The following DENND1B variants were observed in gnomAD, a reference collection of about 807,000 sequenced individuals.
DENND1B encodes DENN domain containing 1B, also known as DENN domain-containing protein 1B.
In DENND1B, 59 loss-of-function variants were observed where a neutral mutation model predicts 90.1. That is an observed-to-expected ratio of 0.65 (90% CI 0.53 to 0.81). The LOEUF is 0.81. Among genes scored for constraint, DENND1B ranks in the 40% least tolerant of loss-of-function variants. The probability of loss-of-function intolerance (pLI) is 0.00; values close to 1 mark genes in which losing one functional copy is unlikely to be tolerated. For synonymous variants in DENND1B, 337 were observed against 324.6 expected (o/e 1.04, Z -0.41); for missense variants, 862 against 912.6 (o/e 0.94, Z 0.71).
intron 5 of DENND1B, among the ~76,000 whole-genome samples, chr1:197,659,329 T>A (rs891610962): frequency 1.8e-4 from 28 of 151,864 alleles, no homozygotes. Flanking sequence ...TCTGATTTGT[T>A]AGTGACTATG....
chr1:197,599,209 G>GA (rs1428482938), intron 13 of DENND1B, among the ~76,000 whole-genome samples: 1 of 151,806 alleles, frequency 6.6e-6, no homozygotes, highest in African/African-American at 2.4e-5. Context: ...TTATACCAAA[G>GA]GACAGTAAGC....
intron 15 of DENND1B, among the ~76,000 whole-genome samples, chr1:197,561,244 T>C (rs988538465): frequency 6.6e-6 from 1 of 151,944 alleles, no homozygotes; most frequent in Non-Finnish European, 1.5e-5. Flanking sequence ...TCTCACCACG[T>C]CAGCAAAATT....
intron 11 of DENND1B, among the ~76,000 whole-genome samples, chr1:197,615,860 C>G (rs1677601568): frequency 6.6e-6 from 1 of 150,906 alleles, no homozygotes; most frequent in Non-Finnish European, 1.5e-5. Context: ...GCTCTTAGAA[C>G]TCAACCCAAA....
chr1:197,758,133 TCAC>T (rs1654545394), intron 2 of DENND1B, among the ~76,000 whole-genome samples: 1 of 152,206 alleles, frequency 6.6e-6, no homozygotes, highest in Non-Finnish European at 1.5e-5. Context: ...TCTCTGGACC[TCAC>T]CAAATATTTA....
intron 2 of DENND1B, among the ~76,000 whole-genome samples, chr1:197,725,404 C>A (rs530636644): frequency 5.1e-4 from 77 of 151,994 alleles, no homozygotes; most frequent in African/African-American, 1.6e-3. Context: ...CAAGAATAGA[C>A]CCTTTCTAAA....
intron 3 of DENND1B, among the ~76,000 whole-genome samples, chr1:197,705,651 A>ATT (rs1659455259): frequency 6.8e-6 from 1 of 146,398 alleles, no homozygotes; most frequent in Non-Finnish European, 1.5e-5. Flanking sequence ...AGAAATTTAA[A>ATT]AAAAAAAAAA....
chr1:197,548,177 G>GAATTT (rs1420098958), intron 16 of DENND1B, among the ~76,000 whole-genome samples: 1 of 152,096 alleles, frequency 6.6e-6, no homozygotes, highest in African/African-American at 2.4e-5. Context: ...GAACTATGAG[G>GAATTT]AATTTAAAAA....
intron 3 of DENND1B, among the ~76,000 whole-genome samples, chr1:197,677,114 G>A (rs1036961584): frequency 1.3e-5 from 2 of 152,076 alleles, no homozygotes; most frequent in African/African-American, 2.4e-5. Flanking sequence ...AATGAGATGT[G>A]TCATTGTCGA....
chr1:197,772,026 G>A (rs1436796320), intron 2 of DENND1B, among the ~76,000 whole-genome samples: 1 of 152,086 alleles, frequency 6.6e-6, no homozygotes, highest in Non-Finnish European at 1.5e-5. Context: ...ACTGACAGCT[G>A]AAACCCTTCC....
chr1:197,589,132 A>C (rs1192143980), intron 14 of DENND1B, among the ~76,000 whole-genome samples: 1 of 152,152 alleles, frequency 6.6e-6, no homozygotes, highest in African/African-American at 2.4e-5. Context: ...CTTTGTTCAT[A>C]CTATTAAAAA....
intron 18 of DENND1B, among the ~76,000 whole-genome samples, chr1:197,544,934 A>G: frequency 0.012 from 4 of 334 alleles, no homozygotes; most frequent in African/African-American, 0.045. Flanking sequence ...AAAGAGAAGA[A>G]GAAGAAGGGA....
At chr1:197,512,152 T>C (rs4915547) in intron 21 of DENND1B, among the ~76,000 whole-genome samples, 144,648 of 151,750 alleles carry the variant, frequency 0.95, 69,311 homozygotes, top group South Asian at 1. Context: ...AAGTTTACGG[T>C]ACCTTATGAA....
rs956813759 is a variant in DENND1B at position 197,641,011 on chromosome 1, C to T, written c.672+1700G>A. 6.6e-5 allele frequency among the ~76,000 whole-genome samples: 10 copies of T among 152,352 alleles called. No homozygotes were observed. In the South Asian group the frequency reaches 1.9e-3, roughly 28 times the overall value. Reference sequence around the variant, plus strand: ...TTACATAAAATGGAAACCTGTCCATCACTGTCTACCCTGTAAACCCACTCA... The same window carrying T: ...TTACATAAAATGGAAACCTGTCCATTACTGTCTACCCTGTAAACCCACTCA... On this transcript the variant is annotated intron_variant, in intron 10 of 22. Transcript: ENST00000620048.
chr1:197,733,576 T>A (rs1662350168), intron 2 of DENND1B, among the ~76,000 whole-genome samples: 1 of 152,220 alleles, frequency 6.6e-6, no homozygotes, highest in African/African-American at 2.4e-5. Flanking sequence ...TTGTCTTCGT[T>A]GTTTGGGCAT....
At chr1:197,662,054 T>C (rs773381754) in intron 5 of DENND1B, among the ~76,000 whole-genome samples, 3 of 152,086 alleles carry the variant, frequency 2.0e-5, no homozygotes, top group Non-Finnish European at 2.9e-5. Flanking sequence ...ATAAGCTTTA[T>C]TGAATTTCAT....
intron 2 of DENND1B, among the ~76,000 whole-genome samples, chr1:197,731,928 G>A (rs1249031394): frequency 1.3e-5 from 2 of 152,064 alleles, no homozygotes; most frequent in Non-Finnish European, 2.9e-5. Flanking sequence ...AGGATGAGTG[G>A]AGATTACATA....
intron 3 of DENND1B, among the ~76,000 whole-genome samples, chr1:197,676,941 T>C (rs1656143152): frequency 6.6e-6 from 1 of 152,064 alleles, no homozygotes; most frequent in Non-Finnish European, 1.5e-5. Flanking sequence ...TCCCATCAGG[T>C]TACCATTTAG....
chr1:197,740,960 T>C (rs536802746), intron 2 of DENND1B, among the ~76,000 whole-genome samples: 3 of 152,284 alleles, frequency 2.0e-5, no homozygotes, highest in East Asian at 1.9e-4. Flanking sequence ...CTAACACCTA[T>C]GTTGATAAGT....
At chr1:197,722,578 T>C (rs1661284626) in intron 2 of DENND1B, among the ~76,000 whole-genome samples, 1 of 152,278 alleles carries the variant, frequency 6.6e-6, no homozygotes, top group Non-Finnish European at 1.5e-5. Flanking sequence ...AGACTTCCTT[T>C]GAACAATACT....
Sources: gnomAD v4.1 joint callset for allele counts (sites outside exome capture counted in the v4.1 genomes callset) on GRCh38, gnomAD v4.1.1 for gene constraint, MANE v1.5 for transcripts, NCBI Gene and HGNC (gene_info 2026-07-23, HGNC 2026-07-21) for gene names.